RUSC2: variants seen among roughly 807,000 people sequenced by gnomAD.
The protein encoded by RUSC2 is AP-4 complex accessory subunit RUSC2.
RUSC2 carries 34 observed loss-of-function variants against 122.2 expected under a neutral mutation model. That is an observed-to-expected ratio of 0.28 (90% confidence interval 0.21 to 0.37). The LOEUF (loss-of-function observed/expected upper bound fraction) is 0.37, where lower values mean the gene tolerates loss of function less well. Ranked by LOEUF, RUSC2 falls within the 10% of genes least tolerant of loss-of-function variation. RUSC2 has a pLI of 1.00. For synonymous variants in RUSC2, 784 were observed against 790.0 expected (o/e 0.99, Z 0.13); for missense variants, 1,747 against 1,952.4 (o/e 0.89, Z 1.98).
At chr9:35,510,254 G>C (rs964471938) in intron 1 of RUSC2, among the ~76,000 whole-genome samples, 1 of 152,204 alleles carries the variant, frequency 6.6e-6, no homozygotes, top group East Asian at 1.9e-4. Context: ...GCTCACACCT[G>C]TAATTCCAGA....
chr9:35,553,298 G>T (rs1821939135), intron 2 of RUSC2, among the ~76,000 whole-genome samples: 1 of 152,202 alleles, frequency 6.6e-6, no homozygotes, highest in East Asian at 1.9e-4. Context: ...TGGTTGTAGT[G>T]AGACTGGCTT....
At position 35,555,959 on chromosome 9, in the gene RUSC2, C is replaced by A; in HGVS notation, c.2664C>A (p.His888Gln). Residue 888 changes from histidine (H) to glutamine (Q), a missense_variant, in exon 4 of 12, where the codon CAC (histidine) becomes CAA (glutamine). Transcript: ENST00000361226. This position sits in a 1 kb window ranked among gnomAD's most constrained non-coding sequence, Gnocchi z 4.6. ...SMATRPSNAN[H>Q]LSPQALKWRE... ...AATCTGTTCTGCTTCCAGCCAACCA[C>A]CTATCCCCTCAAGCCCTCAAGTGGC... The A allele has an allele frequency of 6.2e-7, 1 of 1,614,014 alleles. No individual in the cohort carries two copies. The highest frequency in any genetic ancestry group is 8.5e-7 in the Non-Finnish European group (1 of 1,179,880).
intron 1 of RUSC2, among the ~76,000 whole-genome samples, chr9:35,495,520 T>G (rs1820693086): frequency 6.6e-6 from 1 of 151,774 alleles, no homozygotes; most frequent in Non-Finnish European, 1.5e-5. Context: ...TCTCTTCCAT[T>G]GGTCTTTATG....
chr9:35,558,551 A>G lies in RUSC2; in HGVS notation c.3325A>G (p.Ile1109Val). 1 of 1,613,924 alleles carries G rather than the reference A, an allele frequency of 6.2e-7. No individual in the cohort carries two copies. The highest frequency in any genetic ancestry group is 1.1e-5 in the South Asian group (1 of 91,082). Residue 1109 changes from isoleucine to valine, a missense_variant, in exon 8 of 12, where the codon ATC becomes GTC. Coordinates refer to ENST00000361226, the MANE Select transcript of RUSC2 (RefSeq NM_014806.5). The surrounding 1 kb of genome is among the most constrained non-coding windows in gnomAD (Gnocchi z 4.3). Reference sequence around the variant, plus strand: ...TCATACCATGCGCTTCAACGCCTTCATCCTCGGCCTGCTCAAGTGAGTGCA... The same window carrying G: ...TCATACCATGCGCTTCAACGCCTTCGTCCTCGGCCTGCTCAAGTGAGTGCA... ...TSHTMRFNAF[I>V]LGLLNIRSLE... is the part of the protein sequence containing the mutation.
Position 35,558,593 on chromosome 9 carries a change from C to T in RUSC2, c.3341+26C>T, listed in dbSNP as rs1223089734. 1 of 1,578,978 alleles carries T rather than the reference C, an allele frequency of 6.3e-7. No individual in the cohort carries two copies. Among genetic ancestry groups the T allele is most frequent in the Non-Finnish European group, 8.7e-7 (1 of 1,148,214 alleles). On this transcript the variant is annotated intron_variant, in intron 8 of 11. Transcript: ENST00000361226. This position sits in a 1 kb window ranked among gnomAD's most constrained non-coding sequence, Gnocchi z 4.3. Reference sequence around the variant, plus strand: ...GTGAGTGCACAGAGCAGCAAGATCCCCTAAACAACTTGCCCTGCCCCCCAC... The same window carrying T: ...GTGAGTGCACAGAGCAGCAAGATCCTCTAAACAACTTGCCCTGCCCCCCAC...
At chr9:35,491,701 G>A (rs1244904613) in intron 1 of RUSC2, among the ~76,000 whole-genome samples, 1 of 152,162 alleles carries the variant, frequency 6.6e-6, no homozygotes, top group Admixed American at 6.5e-5. Context: ...TGTAATCCCG[G>A]CACTTTGGGA....
intron 1 of RUSC2, among the ~76,000 whole-genome samples, chr9:35,521,274 G>A (rs1235620217): frequency 2.0e-5 from 3 of 152,182 alleles, no homozygotes; most frequent in Admixed American, 6.5e-5. Flanking sequence ...GCTAAGGAGG[G>A]AATCAAATGG....
chr9:35,531,104 C>T (rs1392960484), intron 1 of RUSC2, among the ~76,000 whole-genome samples: 1 of 151,762 alleles, frequency 6.6e-6, no homozygotes, highest in South Asian at 2.1e-4. Context: ...CTAAAAAATA[C>T]AAAAAAATTA....
At chr9:35,559,319 GA>G in intron 9 of RUSC2, 47 bp downstream of exon 9, 1 of 1,497,342 alleles carries the variant, frequency 6.7e-7, no homozygotes, top group East Asian at 2.3e-5. Context: ...TCAGAATTCA[GA>G]GGCACAAAAG....
rs1310908525 is a variant in RUSC2 at position 35,491,509 on chromosome 9, C to T, written c.-93+1337C>T. Among the ~76,000 whole-genome samples, 4 of 152,164 alleles carry T rather than the reference C, an allele frequency of 2.6e-5. No individual in the cohort carries two copies. The East Asian group carries it at 5.8e-4, about 22-fold the overall frequency. On this transcript the variant is annotated intron_variant, in intron 1 of 11. Coordinates refer to ENST00000361226, the MANE Select transcript of RUSC2 (RefSeq NM_014806.5). ...TTCTGTTTTGAGCCAGGTTAGGATC[C>T]CTCTGATTTCTGTGCTGGTATTTAA... is the stretch of plus-strand genomic sequence containing the variant.
chr9:35,559,516 C>T (rs1822095671), intron 9 of RUSC2, among the ~76,000 whole-genome samples: 1 of 152,184 alleles, frequency 6.6e-6, no homozygotes, highest in African/African-American at 2.4e-5. Flanking sequence ...ACGTGGGTCA[C>T]CTGAGGTCAA....
At chr9:35,526,427 C>T (rs1021930330) in intron 1 of RUSC2, among the ~76,000 whole-genome samples, 1 of 152,166 alleles carries the variant, frequency 6.6e-6, no homozygotes, top group Admixed American at 6.5e-5. Context: ...TAGTATCACA[C>T]TTACTGGGTA....
chr9:35,535,374 C>G (rs911403185), intron 1 of RUSC2, among the ~76,000 whole-genome samples: 3 of 151,132 alleles, frequency 2.0e-5, no homozygotes, highest in Admixed American at 6.6e-5. Flanking sequence ...CTTCGGCCCC[C>G]CAAAGTGCTA....
intron 1 of RUSC2, among the ~76,000 whole-genome samples, chr9:35,516,022 A>AAGAAAG (rs1821098920): frequency 1.3e-4 from 16 of 127,092 alleles, no homozygotes; most frequent in Non-Finnish European, 2.5e-4. Flanking sequence ...AAAAAAAAAA[A>AAGAAAG]AGAGAAATGC....
At chr9:35,530,314 G>A (rs1821396415) in intron 1 of RUSC2, among the ~76,000 whole-genome samples, 1 of 152,078 alleles carries the variant, frequency 6.6e-6, no homozygotes, top group Non-Finnish European at 1.5e-5. Flanking sequence ...CCTGTGCTCA[G>A]AATTACCTAT....
Position 35,561,466 on chromosome 9 carries a change from GCT to G in RUSC2, c.*85_*86del. The G allele has an allele frequency of 5.0e-6, 6 of 1,203,970 alleles. No homozygotes were observed. Among genetic ancestry groups the G allele is most frequent in the Non-Finnish European group, 7.1e-6 (6 of 850,202 alleles). The allele number at this position is 1,203,970 out of a possible 1,614,324, so 74.6% of individuals were successfully genotyped here. On this transcript the variant is annotated 3_prime_UTR_variant, in exon 12 of 12. Transcript: ENST00000361226. ...GAGCCCTTCCCAAGCCATTGGCTTG[GCT>G]GCAGAGTAGACTGAGAGCTGGGGCC...
At position 35,547,862 on chromosome 9, in the gene RUSC2, A is replaced by G. The variant is rs2132553938; in HGVS notation, c.1341A>G (p.Leu447=). Residue 447 remains leucine (L), a synonymous_variant, in exon 2 of 12, where the codon CTA becomes CTG. Transcript: ENST00000361226. The surrounding 1 kb of genome is among the most constrained non-coding windows in gnomAD (Gnocchi z 4.6). ...PGPSQPSEYY[L]FQKPEVQPEE... ...CCAGCCAGCCCTCTGAGTATTACCTATTCCAGAAGCCAGAAGTCCAGCCAG... is the reference window on the plus strand; with the variant it reads ...CCAGCCAGCCCTCTGAGTATTACCTGTTCCAGAAGCCAGAAGTCCAGCCAG... The G allele has an allele frequency of 6.2e-7, 1 of 1,614,090 alleles. No individual in the cohort carries two copies. Among genetic ancestry groups the G allele is most frequent in the Non-Finnish European group, 8.5e-7 (1 of 1,180,030 alleles).
chr9:35,515,264 A>G (rs1382834310), intron 1 of RUSC2, among the ~76,000 whole-genome samples: 3 of 152,200 alleles, frequency 2.0e-5, no homozygotes, highest in Admixed American at 6.5e-5. Flanking sequence ...TAGCTCATGT[A>G]TGTCTCCAGC....
chr9:35,542,180 G>T (rs1278307368), intron 1 of RUSC2, among the ~76,000 whole-genome samples: 2 of 152,128 alleles, frequency 1.3e-5, no homozygotes, highest in African/African-American at 4.8e-5. Context: ...TCTCTTGGTT[G>T]TGTGGAGATC....
Sources: allele counts gnomAD v4.1 joint callset (sites outside exome capture counted in the v4.1 genomes callset), GRCh38; gene constraint gnomAD v4.1.1; non-coding constraint Gnocchi (gnomAD v3.1); transcripts MANE v1.5; gene names NCBI Gene and HGNC (gene_info 2026-07-23, HGNC 2026-07-21).